Variants in SLX4IP observed in about 807,000 individuals in gnomAD.
SLX4IP encodes SLX4 interacting protein, also known as protein SLX4IP.
In SLX4IP, 34 loss-of-function variants were observed where a neutral mutation model predicts 32.9. The observed-to-expected ratio is 1.03, with a 90% CI of 0.79 to 1.38. The LOEUF (loss-of-function observed/expected upper bound fraction) is 1.38, where lower values mean the gene tolerates loss of function less well. Ranked by LOEUF, SLX4IP falls within the 40% of genes most tolerant of loss-of-function variation. SLX4IP has a pLI of 0.00. For synonymous variants in SLX4IP, 172 were observed against 171.7 expected, an observed-to-expected ratio of 1.00 and a Z score of -0.01; for missense variants, 444 against 479.0, an observed-to-expected ratio of 0.93 and a Z score of 0.68.
At chr20:10,608,773 T>A (rs2122557565) in intron 6 of SLX4IP, among the ~76,000 whole-genome samples, 1 of 152,156 alleles carries the variant, frequency 6.6e-6, no homozygotes, top group African/African-American at 2.4e-5. Flanking sequence ...GAAGTCTTCA[T>A]TTAAATGCAA....
intron 5 of SLX4IP, among the ~76,000 whole-genome samples, chr20:10,599,528 G>T (rs2066816271): frequency 6.6e-6 from 1 of 151,352 alleles, no homozygotes; most frequent in African/African-American, 2.4e-5. Context: ...TAAGTAGCTG[G>T]GACCACAGGT....
chr20:10,579,520 C>G (rs920774576), intron 4 of SLX4IP, among the ~76,000 whole-genome samples: 6 of 151,076 alleles, frequency 4.0e-5, no homozygotes, highest in African/African-American at 1.5e-4. Flanking sequence ...CTCCGCCTCC[C>G]AGGTTCAACC....
At chr20:10,550,564 G>T (rs635689) in intron 2 of SLX4IP, among the ~76,000 whole-genome samples, 30,185 of 151,944 alleles carry the variant, frequency 0.2, 3,662 homozygotes, top group Admixed American at 0.27. Flanking sequence ...CTGTCTGCCT[G>T]GCTCCAGTGA....
At chr20:10,472,439 C>A (rs1217945819) in intron 2 of SLX4IP, among the ~76,000 whole-genome samples, 2 of 152,076 alleles carry the variant, frequency 1.3e-5, no homozygotes, top group Admixed American at 6.5e-5. Flanking sequence ...ACAGTGTTAG[C>A]CAGGATGGTC....
intron 2 of SLX4IP, among the ~76,000 whole-genome samples, chr20:10,460,478 T>C (rs2065327769): frequency 6.6e-6 from 1 of 152,252 alleles, no homozygotes; most frequent in Non-Finnish European, 1.5e-5. Context: ...CAGTTGATGC[T>C]GGCTTTGGTT....
chr20:10,453,891 CT>C (rs2065264175), intron 1 of SLX4IP, among the ~76,000 whole-genome samples: 1 of 151,802 alleles, frequency 6.6e-6, no homozygotes, highest in Non-Finnish European at 1.5e-5. Context: ...TTAATTTTTG[CT>C]GAAGTTTCTG....
At position 10,613,087 on chromosome 20, in the gene SLX4IP, A is replaced by C. The variant is rs1373666399; in HGVS notation, c.406-8227A>C. ...GGGTAGAGAGCCTATTCTAACAGAC[A>C]CGCACATCGCAGAAAGCGGCATGAA... On this transcript the variant is annotated intron_variant, in intron 6 of 7. Transcript: ENST00000334534. 1.3e-5 allele frequency: 4 copies of C among 307,428 alleles called. No individual in the cohort carries two copies. In the Admixed American group the frequency reaches 1.9e-4, roughly 15 times the overall value. 19.0% of individuals were successfully genotyped at this position (307,428 alleles called of 1,614,324 possible).
chr20:10,461,447 C>T (rs139367130), intron 2 of SLX4IP, among the ~76,000 whole-genome samples: 51 of 152,352 alleles, frequency 3.3e-4, no homozygotes, highest in Non-Finnish European at 6.0e-4. Flanking sequence ...AGGGTTCTGA[C>T]ACATCGTATT....
intron 6 of SLX4IP, chr20:10,613,209 T>A (rs1386393565): frequency 1.1e-5 from 6 of 554,328 alleles, no homozygotes; most frequent in African/African-American, 1.9e-5. Context: ...CTCCCAACTG[T>A]CACCACCAAG....
intron 1 of SLX4IP, among the ~76,000 whole-genome samples, 176 bp downstream of exon 1, chr20:10,435,629 G>A (rs2065104372): frequency 6.6e-6 from 1 of 152,208 alleles, no homozygotes; most frequent in Admixed American, 6.5e-5. Flanking sequence ...CTAAACATCA[G>A]GATGCCATGA....
intron 2 of SLX4IP, among the ~76,000 whole-genome samples, chr20:10,505,668 A>T (rs967025850): frequency 5.3e-5 from 8 of 152,114 alleles, no homozygotes; most frequent in African/African-American, 1.9e-4. Flanking sequence ...TGCTCAGCAT[A>T]TTTCTGTGTG....
At chr20:10,509,322 A>G (rs1294566193) in intron 2 of SLX4IP, among the ~76,000 whole-genome samples, 1 of 152,236 alleles carries the variant, frequency 6.6e-6, no homozygotes, top group East Asian at 1.9e-4. Context: ...TTGCAGTTGA[A>G]GAAACTAAAG....
intron 1 of SLX4IP, among the ~76,000 whole-genome samples, chr20:10,457,334 A>G (rs542010708): frequency 2.6e-5 from 4 of 152,114 alleles, no homozygotes; most frequent in African/African-American, 9.6e-5. Context: ...ATCATTAAGT[A>G]TGATTTTAGC....
chr20:10,543,988 A>G (rs1424710902), intron 2 of SLX4IP, among the ~76,000 whole-genome samples: 3 of 152,108 alleles, frequency 2.0e-5, no homozygotes, highest in African/African-American at 4.8e-5. Context: ...TGTAAAATCC[A>G]TCTTTCTCTC....
intron 4 of SLX4IP, among the ~76,000 whole-genome samples, chr20:10,564,284 T>G (rs2066365354): frequency 6.6e-6 from 1 of 152,252 alleles, no homozygotes. Context: ...TAAGCCTGTT[T>G]CAAAACCAAG....
intron 2 of SLX4IP, among the ~76,000 whole-genome samples, chr20:10,459,478 G>A (rs536749163): frequency 6.6e-6 from 1 of 152,266 alleles, no homozygotes; most frequent in African/African-American, 2.4e-5. Flanking sequence ...ATGAGACGGC[G>A]GAGAAAATGT....
At chr20:10,589,768 G>T (rs1319405919) in intron 4 of SLX4IP, among the ~76,000 whole-genome samples, 1 of 151,954 alleles carries the variant, frequency 6.6e-6, no homozygotes. Context: ...AAAGAAATAA[G>T]AGTATATGTG....
rs184760711 is a variant in SLX4IP, at chr20:10,441,357, A to T, written c.-30+5904A>T. Among the ~76,000 whole-genome samples the T allele has an allele frequency of 2.5e-3, 374 of 152,210 alleles. 2 individuals are homozygous for T. The highest frequency in any genetic ancestry group is 8.0e-3 in the Admixed American group (122 of 15,292). On this transcript the variant is annotated intron_variant, in intron 1 of 7. Transcript: ENST00000334534. ...AGGCTGAGGCAGGAGGATCACTTGA[A>T]CCTGGGGAGGTTGAGGTTTCAGTGA...
intron 2 of SLX4IP, among the ~76,000 whole-genome samples, chr20:10,462,966 C>T (rs1457190208): frequency 3.9e-5 from 6 of 152,174 alleles, no homozygotes; most frequent in Non-Finnish European, 2.9e-5. Flanking sequence ...TGCCTGTAGT[C>T]CCAGCCATTT....
Sources: allele counts gnomAD v4.1 joint callset (sites outside exome capture counted in the v4.1 genomes callset), GRCh38; gene constraint gnomAD v4.1.1; transcripts MANE v1.5; gene names NCBI Gene and HGNC (gene_info 2026-07-23, HGNC 2026-07-21).